The following STK3 variants were observed in gnomAD, a reference collection of about 807,000 sequenced individuals.
STK3 encodes serine/threonine-protein kinase 3.
STK3 carries 41 observed loss-of-function variants against 58.0 expected under a neutral mutation model. That is an observed-to-expected ratio of 0.71 (90% confidence interval 0.55 to 0.92). The LOEUF is 0.92. Among genes scored for constraint, STK3 ranks in the 40% least tolerant of loss-of-function variants. The pLI is 0.00. For synonymous variants in STK3, 170 were observed against 191.0 expected, an observed-to-expected ratio of 0.89 and a Z score of 0.91; for missense variants, 479 against 602.7, an observed-to-expected ratio of 0.79 and a Z score of 2.15.
exon 3 of STK3, chr8:98,371,595 C>T (rs1437475083): frequency 6.6e-6 from 1 of 152,242 alleles, no homozygotes; most frequent in African/African-American, 2.4e-5. Context: ...TTCAAACATT[C>T]AACTCTCCTC....
chr8:98,836,043 A>G (rs1336518266), intron 3 of STK3, among the ~76,000 whole-genome samples: 1 of 152,156 alleles, frequency 6.6e-6, no homozygotes, highest in East Asian at 1.9e-4. Flanking sequence ...TCTACCTAAG[A>G]TACAAAAATT....
intron 6 of STK3, chr8:98,633,592 C>T: frequency 1.3e-6 from 1 of 744,166 alleles, no homozygotes; most frequent in African/African-American, 1.7e-5. Context: ...TTTCAGTCAG[C>T]AGTCTCAGTC....
intron 10 of STK3, among the ~76,000 whole-genome samples, chr8:98,493,159 G>A (rs890894196): frequency 6.7e-6 from 1 of 150,202 alleles, no homozygotes; most frequent in Non-Finnish European, 1.5e-5. Flanking sequence ...TTGAGCCCAG[G>A]AGGTCGAAGC....
At chr8:98,852,152 T>C (rs905094120) in intron 3 of STK3, among the ~76,000 whole-genome samples, 1 of 152,078 alleles carries the variant, frequency 6.6e-6, no homozygotes, top group African/African-American at 2.4e-5. Flanking sequence ...TTTTTTTTTT[T>C]TTGTAACAGA....
At chr8:98,531,725 C>T (rs1826184797) in intron 9 of STK3, among the ~76,000 whole-genome samples, 1 of 152,158 alleles carries the variant, frequency 6.6e-6, no homozygotes. Flanking sequence ...TTTAGGGTAG[C>T]CACCTTCATC....
chr8:98,762,505 C>T (rs1310804273), intron 3 of STK3, among the ~76,000 whole-genome samples: 1 of 152,222 alleles, frequency 6.6e-6, no homozygotes, highest in Admixed American at 6.5e-5. Flanking sequence ...CCACCCGCCT[C>T]AGCCTCCCAA....
chr8:98,610,149 C>A (rs1222293839), intron 6 of STK3, among the ~76,000 whole-genome samples: 1 of 151,328 alleles, frequency 6.6e-6, no homozygotes, highest in Non-Finnish European at 1.5e-5. Context: ...ACCAATACCC[C>A]CATCCAAAGG....
At chr8:98,364,386 A>G in the STK3 span, among the ~76,000 whole-genome samples, 1 of 152,056 alleles carries the variant, frequency 6.6e-6, no homozygotes, top group South Asian at 2.1e-4. Flanking sequence ...CTCTGGGCCT[A>G]TCTTGAAGTC....
chr8:98,699,743 C>T, intron 6 of STK3, among the ~76,000 whole-genome samples: 1 of 152,134 alleles, frequency 6.6e-6, no homozygotes, highest in Non-Finnish European at 1.5e-5. Context: ...AGAGGAGTAC[C>T]CGGCCGTGTG....
chr8:98,485,563 C>A (rs897419711), intron 10 of STK3, among the ~76,000 whole-genome samples: 2 of 152,124 alleles, frequency 1.3e-5, no homozygotes, highest in African/African-American at 4.8e-5. Context: ...GGCTGGAGAC[C>A]GTTTAACAGA....
intron 3 of STK3, among the ~76,000 whole-genome samples, chr8:98,421,179 G>C: frequency 6.6e-6 from 1 of 152,200 alleles, no homozygotes; most frequent in Non-Finnish European, 1.5e-5. Context: ...GCCAGTGAGA[G>C]GGGATGGGGG....
intron 2 of STK3, among the ~76,000 whole-genome samples, chr8:98,768,717 C>T (rs185651413): frequency 3.9e-4 from 59 of 152,380 alleles, no homozygotes; most frequent in African/African-American, 1.3e-3. Context: ...CTGCAATCCC[C>T]ACTTCCCAGA....
chr8:98,358,942 C>T, the STK3 span, among the ~76,000 whole-genome samples: 4 of 152,120 alleles, frequency 2.6e-5, no homozygotes, highest in Admixed American at 6.5e-5. Context: ...AGCGCACACA[C>T]GCACATGCTC....
chr8:98,354,889 T>A, the STK3 span, among the ~76,000 whole-genome samples: 1 of 152,228 alleles, frequency 6.6e-6, no homozygotes, highest in African/African-American at 2.4e-5. Context: ...GCGATTCTCC[T>A]GCCTCAGCCT....
chr8:98,924,325 G>T (rs1363670674), intron 1 of STK3, among the ~76,000 whole-genome samples: 1 of 152,120 alleles, frequency 6.6e-6, no homozygotes, highest in Non-Finnish European at 1.5e-5. Context: ...TTGAGTTTTT[G>T]CTTACCCTAA....
At chr8:98,738,781 G>C (rs1452277342) in intron 4 of STK3, among the ~76,000 whole-genome samples, 1 of 152,246 alleles carries the variant, frequency 6.6e-6, no homozygotes, top group East Asian at 1.9e-4. Context: ...CCTAAGCAGG[G>C]CGAGGCATTG....
intron 3 of STK3, among the ~76,000 whole-genome samples, chr8:98,845,687 G>A (rs1320083963): frequency 1.4e-5 from 2 of 139,924 alleles, no homozygotes; most frequent in Non-Finnish European, 3.2e-5. Context: ...GACTCTTGCA[G>A]TTGCTAATGA....
intron 10 of STK3, among the ~76,000 whole-genome samples, chr8:98,506,889 C>A (rs72666625): frequency 0.03 from 4,548 of 152,242 alleles, 104 homozygotes; most frequent in South Asian, 0.06. Context: ...AGGTGTGGCC[C>A]TGCTACAACT....
chr8:98,443,973 C>A (rs1818796648), intron 1 of STK3, among the ~76,000 whole-genome samples: 1 of 152,078 alleles, frequency 6.6e-6, no homozygotes, highest in Non-Finnish European at 1.5e-5. Flanking sequence ...TTGCTTAGAT[C>A]CAAAATTTAA....
Sources: gnomAD v4.1 joint callset for allele counts (sites outside exome capture counted in the v4.1 genomes callset) on GRCh38, gnomAD v4.1.1 for gene constraint, MANE v1.5 for transcripts, NCBI Gene and HGNC (gene_info 2026-07-23, HGNC 2026-07-21) for gene names.